The following ADIRF variants were observed in gnomAD, a reference collection of about 807,000 sequenced individuals.
ADIRF encodes adipogenesis regulatory factor, also known as adipogenesis factor rich in obesity.
A neutral mutation model predicts 7.8 loss-of-function variants in ADIRF; 9 were observed. The ratio of observed to expected loss-of-function variants is 1.15; its 90% CI spans 0.70 to 2.01. ADIRF has a LOEUF of 2.01. Ranked by LOEUF, ADIRF falls within the 30% of genes most tolerant of loss-of-function variation. ADIRF has a pLI of 0.00. For missense variants in ADIRF, 106 were observed against 98.1 expected (o/e 1.08, Z -0.34); for synonymous variants, 48 against 39.9 (o/e 1.20, Z -0.77).
chr10:86,969,889 A>T (rs949447982), intron 1 of ADIRF: 1 of 240,744 alleles, frequency 4.2e-6, no homozygotes, highest in Non-Finnish European at 8.0e-6. Flanking sequence ...TGCTAGCTGC[A>T]GCCTGGCCCT....
intron 1 of ADIRF, chr10:86,968,918 A>C (rs966730654): frequency 8.4e-6 from 3 of 357,940 alleles, no homozygotes; most frequent in Admixed American, 5.1e-5. Context: ...GTGAAGGTCC[A>C]GGACAGGGAT....
At position 86,968,620 on chromosome 10, in the gene ADIRF, C is replaced by T. The variant is rs370326633; in HGVS notation, c.61+15C>T. 6.8e-5 allele frequency: 109 copies of T among 1,610,316 alleles called. No individual in the cohort carries two copies. The highest frequency in any genetic ancestry group is 5.5e-4 in the Admixed American group (33 of 59,466). On this transcript the variant is annotated intron_variant, in intron 1 of 2. Coordinates refer to ENST00000372013, the MANE Select transcript of ADIRF (RefSeq NM_006829.3). ...CCAGGAAGCCGGTGAGGATAGCGCG[C>T]GACCTAGGGCTCAGGCAGGGGCACC... is the stretch of plus-strand genomic sequence containing the variant.
Position 86,970,600 on chromosome 10 carries a change from TCG to T in ADIRF, c.*19_*20del. ...TGAAATGACAGCAGGGAGACTTGGG[TCG>T]GCCTCCTGAAATGACAGCAGGGAGA... is the stretch of plus-strand genomic sequence containing the variant. On this transcript the variant is annotated 3_prime_UTR_variant, in exon 3 of 3. Coordinates refer to ENST00000372013, the MANE Select transcript of ADIRF (RefSeq NM_006829.3). The T allele has an allele frequency of 6.3e-7, 1 of 1,589,020 alleles. No individual in the cohort carries two copies. Among genetic ancestry groups the T allele is most frequent in the Non-Finnish European group, 8.6e-7 (1 of 1,163,192 alleles).
In ADIRF at chr10:86,968,602, G is replaced by A. The variant is rs1489156067; in HGVS notation, c.58G>A (p.Ala20Thr). The A allele has an allele frequency of 1.9e-6, 3 of 1,613,116 alleles. No homozygotes were observed. In the African/African-American group the frequency reaches 4.0e-5, roughly 22 times the overall value. The change falls in exon 1 of 3, where the codon GCC (alanine) becomes ACC (threonine). Residue 20 changes from alanine to threonine, a missense_variant. Transcript: ENST00000372013. ...ACAGGTGGAGGGGACCGCCCAGGAA[G>A]CCGGTGAGGATAGCGCGCGACCTAG... is the stretch of plus-strand genomic sequence containing the variant. ...KQQVEGTAQE[A>T]VSAAGAAAQQ...
chr10:86,970,717 A>G lies in ADIRF; in HGVS notation c.*135A>G. 4 of 776,632 alleles carry G rather than the reference A, an allele frequency of 5.2e-6. No homozygotes were observed. The highest frequency in any genetic ancestry group is 9.0e-6 in the Non-Finnish European group (4 of 446,126). 48.1% of individuals were successfully genotyped at this position (776,632 alleles called of 1,614,324 possible). On this transcript the variant is annotated 3_prime_UTR_variant, in exon 3 of 3. Coordinates refer to ENST00000372013, the MANE Select transcript of ADIRF (RefSeq NM_006829.3). ...ACCTCCTCGGTCTGCCCCCTCATTA[A>G]AATTCACGTTCCCACCCTGTGTCCA...
chr10:86,970,132 G>A (rs1589318600), intron 1 of ADIRF, 68 bp from the exon 2 acceptor site: 1 of 1,365,252 alleles, frequency 7.3e-7, no homozygotes, highest in Non-Finnish European at 9.7e-7. Flanking sequence ...CAGAGGCATG[G>A]CAATGGTGGG....
intron 2 of ADIRF, 31 bp from the exon 3 acceptor site, chr10:86,970,445 C>G: frequency 6.3e-7 from 1 of 1,593,024 alleles, no homozygotes; most frequent in Non-Finnish European, 8.6e-7. Flanking sequence ...CGGGCCCTGC[C>G]TGACCTGCCC....
chr10:86,970,097 G>A, intron 1 of ADIRF, 103 bp from the exon 2 acceptor site: 1 of 1,171,402 alleles, frequency 8.5e-7, no homozygotes, highest in Non-Finnish European at 1.1e-6. Flanking sequence ...CCTTGGACCT[G>A]TACCACCGAA....
Position 86,970,687 on chromosome 10 carries a change from C to G in ADIRF, c.*105C>G. On this transcript the variant is annotated 3_prime_UTR_variant, in exon 3 of 3. Coordinates refer to ENST00000372013, the MANE Select transcript of ADIRF (RefSeq NM_006829.3). The stretch of plus-strand genomic sequence containing the variant: ...CAGCCTGGCCCTGATCTCCGGGCAG[C>G]CACCACCTCCTCGGTCTGCCCCCTC... 1.1e-6 allele frequency: 1 copy of G among 935,472 alleles called. No homozygotes were observed. Among genetic ancestry groups the G allele is most frequent in the Non-Finnish European group, 1.7e-6 (1 of 586,262 alleles). 57.9% of individuals were successfully genotyped at this position (935,472 alleles called of 1,614,324 possible). A position where few individuals can be genotyped will look rare whatever the true frequency, so the allele number is the denominator to read the frequency against.
At chr10:86,970,127 G>T in intron 1 of ADIRF, 73 bp from the exon 2 acceptor site, 1 of 1,347,032 alleles carries the variant, frequency 7.4e-7, no homozygotes, top group Non-Finnish European at 9.8e-7. Context: ...GGACACAGAG[G>T]CATGGCAATG....
rs976235510 is a variant in ADIRF at position 86,970,767 on chromosome 10, C to G, written c.*185C>G. ...ACTTCATGATTCCTCGCAAGCTGGG[C>G]CCAGTCCTCTCATCCCAAGAGCAGA... On this transcript the variant is annotated 3_prime_UTR_variant, in exon 3 of 3. Transcript: ENST00000372013. The G allele has an allele frequency of 3.0e-6, 2 of 669,744 alleles. No homozygotes were observed. Among genetic ancestry groups the G allele is most frequent in the African/African-American group, 3.5e-5 (2 of 56,580 alleles). The allele number at this position is 669,744 out of a possible 1,614,324, so 41.5% of individuals were successfully genotyped here.
rs1844509224 is a variant in ADIRF at position 86,968,514 on chromosome 10, C to T, written c.-31C>T. On this transcript the variant is annotated 5_prime_UTR_variant, in exon 1 of 3. Coordinates refer to ENST00000372013, the MANE Select transcript of ADIRF (RefSeq NM_006829.3). ...GCAGGATCCAACGTCGCTCCAGCTG[C>T]TCTTGACGACTCCACAGATACCCCG... The T allele has an allele frequency of 6.2e-7, 1 of 1,612,944 alleles. No individual in the cohort carries two copies. Among genetic ancestry groups the T allele is most frequent in the Non-Finnish European group, 8.5e-7 (1 of 1,179,530 alleles).
chr10:86,969,962 C>T, intron 1 of ADIRF: 2 of 348,788 alleles, frequency 5.7e-6, no homozygotes, highest in Non-Finnish European at 1.0e-5. Flanking sequence ...AAGGGAAGCT[C>T]CTCCCCCACA....
chr10:86,970,154 C>G, intron 1 of ADIRF, 46 bp from the exon 2 acceptor site: 1 of 1,413,360 alleles, frequency 7.1e-7, no homozygotes, highest in South Asian at 1.7e-5. Context: ...CACCTGTAGT[C>G]GGTGGTGCCT....
chr10:86,970,386 G>GT, intron 2 of ADIRF, 90 bp from the exon 3 acceptor site: 1 of 1,510,250 alleles, frequency 6.6e-7, no homozygotes, highest in Non-Finnish European at 9.0e-7. Context: ...CCCCAAGCAG[G>GT]TCCCCCGGGA....
Position 86,970,729 on chromosome 10 carries a change from C to T in ADIRF, c.*147C>T. ...TGCCCCCTCATTAAAATTCACGTTC[C>T]CACCCTGTGTCCACTTCATGATTCC... On this transcript the variant is annotated 3_prime_UTR_variant, in exon 3 of 3. Coordinates refer to ENST00000372013, the MANE Select transcript of ADIRF (RefSeq NM_006829.3). 4.1e-6 allele frequency: 3 copies of T among 736,218 alleles called. No individual in the cohort carries two copies. The Admixed American group carries it at 6.1e-5, about 15-fold the overall frequency. 45.6% of individuals were successfully genotyped at this position (736,218 alleles called of 1,614,324 possible). A position where few individuals can be genotyped will look rare whatever the true frequency, so the allele number is the denominator to read the frequency against.
intron 1 of ADIRF, 197 bp downstream of exon 1, chr10:86,968,802 G>A (rs911817095): frequency 1.4e-5 from 8 of 582,666 alleles, no homozygotes; most frequent in African/African-American, 5.9e-5. Flanking sequence ...GGGAGGCAGC[G>A]GAACAGAGGC....
Position 86,968,588 on chromosome 10 carries a change from G to T in ADIRF, c.44G>T (p.Gly15Val). ...CAGGACCTGAAGCAACAGGTGGAGG[G>T]GACCGCCCAGGAAGCCGGTGAGGAT... is the stretch of plus-strand genomic sequence containing the variant. Reference protein sequence around the residue: ...GLQDLKQQVEGTAQEAVSAAG... With the variant: ...GLQDLKQQVEVTAQEAVSAAG... The change falls in exon 1 of 3, where the codon GGG (glycine) becomes GTG (valine). Residue 15 changes from glycine (G) to valine (V), a missense_variant. Gly to Val is a moderately radical substitution (Grantham distance 109). Coordinates refer to ENST00000372013, the MANE Select transcript of ADIRF (RefSeq NM_006829.3). The T allele has an allele frequency of 1.2e-6, 2 of 1,613,302 alleles. No individual in the cohort carries two copies. The highest frequency in any genetic ancestry group is 2.7e-5 in the African/African-American group (2 of 75,028).
chr10:86,970,641 C>T lies in ADIRF; in HGVS notation c.*59C>T. 1 of 1,420,040 alleles carries T rather than the reference C, an allele frequency of 7.0e-7. No individual in the cohort carries two copies. The highest frequency in any genetic ancestry group is 2.4e-5 in the East Asian group (1 of 41,196). 88.0% of individuals were successfully genotyped at this position (1,420,040 alleles called of 1,614,324 possible). ...ACAGCAGGGAGACTTGGGTGACCCC[C>T]CTTCCAGGCGCCATCTAGCACAGCC... On this transcript the variant is annotated 3_prime_UTR_variant, in exon 3 of 3. Transcript: ENST00000372013.
Sources: allele counts gnomAD v4.1 joint callset, GRCh38; gene constraint gnomAD v4.1.1; transcripts MANE v1.5; gene names NCBI Gene and HGNC (gene_info 2026-07-23, HGNC 2026-07-21).